Variants in ANXA13 observed in about 807,000 individuals in gnomAD.
The protein encoded by ANXA13 is annexin XIII.
In ANXA13, 36 loss-of-function variants were observed where a neutral mutation model predicts 46.6. That is an observed-to-expected ratio of 0.77 (90% confidence interval 0.59 to 1.02). ANXA13 has a LOEUF of 1.02. Among genes scored for constraint, ANXA13 ranks in the 50% least tolerant of loss-of-function variants. The probability of loss-of-function intolerance (pLI) is 0.00; values close to 1 mark genes in which losing one functional copy is unlikely to be tolerated. For synonymous variants in ANXA13, 163 were observed against 152.9 expected (o/e 1.07, Z -0.49); for missense variants, 417 against 396.5 (o/e 1.05, Z -0.44).
intron 1 of ANXA13, among the ~76,000 whole-genome samples, chr8:123,731,396 A>C (rs1055244471): frequency 1.3e-5 from 2 of 152,234 alleles, no homozygotes; most frequent in African/African-American, 2.4e-5. Flanking sequence ...CAACTGGGCA[A>C]AACACTGATT....
Position 123,690,614 on chromosome 8 carries a change from G to A in ANXA13, c.643-1668C>T, listed in dbSNP as rs964322116. Among the ~76,000 whole-genome samples, 5 of 152,204 alleles carry A rather than the reference G, an allele frequency of 3.3e-5. No individual in the cohort carries two copies. The highest frequency in any genetic ancestry group is 2.0e-4 in the Admixed American group (3 of 15,286). ...TACTTCTCACTTCAGTTACTGCAAC[G>A]TGATTCTTAGGGGCTCTTTGTACAG... On this transcript the variant is annotated intron_variant, in intron 8 of 10. Coordinates refer to ENST00000419625, the MANE Select transcript of ANXA13 (RefSeq NM_004306.4). The surrounding 1 kb of genome is among the most constrained non-coding windows in gnomAD (Gnocchi z 4.6).
intron 1 of ANXA13, among the ~76,000 whole-genome samples, chr8:123,732,001 A>G (rs1192628393): frequency 1.3e-5 from 2 of 152,158 alleles, no homozygotes; most frequent in African/African-American, 4.8e-5. Flanking sequence ...GGGGCAGGGG[A>G]TGGAGAAAGC....
chr8:123,683,365 C>A (rs187143631), intron 10 of ANXA13, among the ~76,000 whole-genome samples: 15 of 151,598 alleles, frequency 9.9e-5, no homozygotes, highest in Admixed American at 2.0e-4. Context: ...TGTTAAGAAG[C>A]CATGGATCAG....
intron 1 of ANXA13, among the ~76,000 whole-genome samples, chr8:123,731,433 A>G (rs1586343762): frequency 6.6e-6 from 1 of 152,256 alleles, no homozygotes; most frequent in Admixed American, 6.5e-5. Context: ...AGAAAATGCA[A>G]TGAATGCATT....
intron 1 of ANXA13, among the ~76,000 whole-genome samples, chr8:123,717,133 C>T (rs1018504808): frequency 2.0e-5 from 3 of 152,144 alleles, no homozygotes; most frequent in Non-Finnish European, 2.9e-5. Flanking sequence ...TGGAGGTCTG[C>T]GCTTTGAGCC....
chr8:123,721,296 G>A (rs933451940), intron 1 of ANXA13, among the ~76,000 whole-genome samples: 10 of 152,148 alleles, frequency 6.6e-5, no homozygotes, highest in Non-Finnish European at 1.5e-4. Context: ...CCAGTTTGGG[G>A]AAGGTTCTTC....
chr8:123,682,608 G>A (rs1304559932), intron 10 of ANXA13, among the ~76,000 whole-genome samples: 1 of 152,178 alleles, frequency 6.6e-6, no homozygotes, highest in African/African-American at 2.4e-5. Flanking sequence ...CAGTGGATGT[G>A]GAGCAGGTGG....
At chr8:123,696,380 A>G (rs1303363732) in intron 4 of ANXA13, among the ~76,000 whole-genome samples, 1 of 152,194 alleles carries the variant, frequency 6.6e-6, no homozygotes, top group South Asian at 2.1e-4. Context: ...CTCTCCTTCA[A>G]ACAAGGCTTC....
chr8:123,706,010 A>G (rs966884692), intron 2 of ANXA13, among the ~76,000 whole-genome samples: 1 of 152,142 alleles, frequency 6.6e-6, no homozygotes, highest in African/African-American at 2.4e-5. Context: ...CGTTCACTTA[A>G]CCTCAAAGAG....
intron 1 of ANXA13, among the ~76,000 whole-genome samples, chr8:123,718,945 C>T (rs761211850): frequency 9.2e-5 from 14 of 152,300 alleles, no homozygotes; most frequent in Admixed American, 4.6e-4. Context: ...GAAAAACAGA[C>T]GCCTGATCAA....
intron 2 of ANXA13, 99 bp downstream of exon 2, chr8:123,712,579 A>G (rs1813680362): frequency 9.5e-7 from 1 of 1,053,876 alleles, no homozygotes; most frequent in African/African-American, 1.6e-5. Flanking sequence ...AATACACAAG[A>G]TAGTGAGATG....
chr8:123,730,895 G>T (rs945104380), intron 1 of ANXA13, among the ~76,000 whole-genome samples: 2 of 152,114 alleles, frequency 1.3e-5, no homozygotes, highest in Admixed American at 1.3e-4. Flanking sequence ...GGAGTTCTCC[G>T]GGCTGCATTC....
At chr8:123,681,949 T>C (rs1813047542) in intron 10 of ANXA13, among the ~76,000 whole-genome samples, 1 of 152,088 alleles carries the variant, frequency 6.6e-6, no homozygotes, top group Admixed American at 6.6e-5. Context: ...TTTCATACAG[T>C]TTTTACATGT....
chr8:123,699,898 A>G (rs1049353749), intron 3 of ANXA13, among the ~76,000 whole-genome samples: 2 of 152,186 alleles, frequency 1.3e-5, no homozygotes, highest in Non-Finnish European at 2.9e-5. Context: ...TTTTTGGGAG[A>G]ATTAAATGTG....
rs1020896941 is a variant in ANXA13 at position 123,689,009 on chromosome 8, G to T, written c.643-63C>A. 3.3e-6 allele frequency: 5 copies of T among 1,523,616 alleles called. No individual in the cohort carries two copies. The African/African-American group carries it at 5.5e-5, about 17-fold the overall frequency. 94.4% of individuals were successfully genotyped at this position (1,523,616 alleles called of 1,614,324 possible). A position where few individuals can be genotyped will look rare whatever the true frequency, so the allele number is the denominator to read the frequency against. On this transcript the variant is annotated intron_variant, in intron 8 of 10. Transcript: ENST00000419625. The stretch of plus-strand genomic sequence containing the variant: ...TGCCTTTGACCTTAGTACTCTTGGG[G>T]TTGTTCCTCTACAAAAAGCACTCAA...
intron 4 of ANXA13, among the ~76,000 whole-genome samples, chr8:123,697,152 A>G (rs577031186): frequency 7.0e-4 from 107 of 152,254 alleles, no homozygotes; most frequent in African/African-American, 2.5e-3. Context: ...ACCTCAAGTG[A>G]TCCTCCTGCT....
intron 9 of ANXA13, among the ~76,000 whole-genome samples, chr8:123,685,874 C>T (rs907797488): frequency 4.6e-5 from 7 of 152,158 alleles, no homozygotes; most frequent in Admixed American, 6.5e-5. Flanking sequence ...TGGGGAGTAG[C>T]ATATTCAAGA....
intron 3 of ANXA13, among the ~76,000 whole-genome samples, chr8:123,699,305 A>C (rs1813401463): frequency 6.6e-6 from 1 of 152,104 alleles, no homozygotes; most frequent in African/African-American, 2.4e-5. Flanking sequence ...TCAGCCTCCC[A>C]AGTAGCTGAG....
chr8:123,691,373 C>T (rs1813238066), intron 8 of ANXA13, among the ~76,000 whole-genome samples: 1 of 152,170 alleles, frequency 6.6e-6, no homozygotes, highest in East Asian at 1.9e-4. Context: ...GAATAGATAG[C>T]ATTTTAGAGC....
Sources: allele counts gnomAD v4.1 joint callset (sites outside exome capture counted in the v4.1 genomes callset), GRCh38; gene constraint gnomAD v4.1.1; non-coding constraint Gnocchi (gnomAD v3.1); transcripts MANE v1.5; gene names NCBI Gene and HGNC (gene_info 2026-07-23, HGNC 2026-07-21).